IL22RA1: variants seen among roughly 807,000 people sequenced by gnomAD.
IL22RA1 encodes interleukin-22 receptor subunit alpha-1.
Under a neutral mutation model 32.8 loss-of-function variants are expected in IL22RA1, and 25 were observed. That is an observed-to-expected ratio of 0.76 (90% CI 0.55 to 1.06). The LOEUF (loss-of-function observed/expected upper bound fraction) is 1.06, where lower values mean the gene tolerates loss of function less well. Among genes scored for constraint, IL22RA1 ranks in the 50% least tolerant of loss-of-function variants. The pLI is 0.00. For synonymous variants in IL22RA1, 305 were observed against 305.0 expected (o/e 1.00, Z 0.00); for missense variants, 709 against 727.4 (o/e 0.97, Z 0.29).
intron 5 of IL22RA1, among the ~76,000 whole-genome samples, chr1:24,125,354 G>A (rs1412332453): frequency 6.6e-6 from 1 of 152,172 alleles, no homozygotes; most frequent in Non-Finnish European, 1.5e-5. Flanking sequence ...CACTCTGCAA[G>A]GAAGCCTCAG....
intron 1 of IL22RA1, among the ~76,000 whole-genome samples, chr1:24,140,509 A>T (rs965687256): frequency 2.6e-5 from 4 of 152,134 alleles, no homozygotes; most frequent in African/African-American, 9.7e-5. Context: ...GGAGAAGAGA[A>T]GCTGGCCATT....
intron 4 of IL22RA1, among the ~76,000 whole-genome samples, chr1:24,128,752 C>T (rs1030912008): frequency 6.6e-6 from 1 of 152,170 alleles, no homozygotes; most frequent in South Asian, 2.1e-4. Context: ...TCAGCCTGGA[C>T]TCTAGCAGTA....
At position 24,121,401 on chromosome 1, in the gene IL22RA1, A is replaced by T; in HGVS notation, c.1129T>A (p.Tyr377Asn). ...ACCTTAGAGATGGCCTGTGGGGCGT[A>T]GAATGGGAATTGAGCTTCGGGGGTC... ...QVTPEAQFPF[Y>N]APQAISKVQP... is the part of the protein sequence containing the mutation. The change falls in exon 7 of 7, where the codon TAC becomes AAC. Residue 377 changes from tyrosine (Y) to asparagine (N), a missense_variant. Tyr to Asn is a moderately radical substitution (Grantham distance 143). Transcript: ENST00000270800. The T allele has an allele frequency of 6.4e-7, 1 of 1,555,856 alleles. No individual in the cohort carries two copies.
In IL22RA1 at chr1:24,134,273, C is replaced by T. The variant is rs201248903; in HGVS notation, c.469G>A (p.Glu157Lys). 1.6e-4 allele frequency: 250 copies of T among 1,611,206 alleles called. 1 individual carries two copies. The South Asian group carries it at 2.6e-3, about 17-fold the overall frequency. ...RAGDGHRLTL[E>K]DIFHDLFYHL... is the part of the protein sequence containing the mutation. ...TAGAACAGGTCATGGAAGATGTCTTCCAGGGTTAGCCGGTGGCCATCGCCT... is the reference window on the plus strand; with the variant it reads ...TAGAACAGGTCATGGAAGATGTCTTTCAGGGTTAGCCGGTGGCCATCGCCT... The change falls in exon 4 of 7, where the codon GAA (glutamate) becomes AAA (lysine). Residue 157 changes from glutamate to lysine, a missense_variant. Glu to Lys is a moderately conservative substitution (Grantham distance 56, BLOSUM62 1). Coordinates refer to ENST00000270800, the MANE Select transcript of IL22RA1 (RefSeq NM_021258.4).
Position 24,138,703 on chromosome 1 carries a change from C to T in IL22RA1, c.55G>A (p.Glu19Lys). 1 of 1,614,060 alleles carries T rather than the reference C, an allele frequency of 6.2e-7. No homozygotes were observed. The highest frequency in any genetic ancestry group is 8.5e-7 in the Non-Finnish European group (1 of 1,179,982). Residue 19 changes from glutamate (E) to lysine (K), a missense_variant, in exon 2 of 7, where the codon GAG becomes AAG. By Grantham distance (56) the Glu-to-Lys change is moderately conservative. Transcript: ENST00000270800. ...TVGSLAAHAPEDPSDLLQHVK... is the reference protein window; with the variant it reads ...TVGSLAAHAPKDPSDLLQHVK... ...TGCTGGAGCAGATCCGAGGGGTCCT[C>T]AGGGGCGTGAGCTGCAGGAGGGTGG...
At chr1:24,128,578 AGCTGT>A (rs1426682966) in intron 4 of IL22RA1, among the ~76,000 whole-genome samples, 1 of 151,794 alleles carries the variant, frequency 6.6e-6, no homozygotes, top group Non-Finnish European at 1.5e-5. Context: ...ACATAATGGC[AGCTGT>A]CATTATGACC....
chr1:24,132,039 C>T lies in IL22RA1; in HGVS notation c.531+2172G>A, dbSNP rs1348377460. Among the ~76,000 whole-genome samples the T allele has an allele frequency of 3.3e-5, 5 of 152,218 alleles. No individual in the cohort carries two copies. The South Asian group carries it at 6.2e-4, about 19-fold the overall frequency. On this transcript the variant is annotated intron_variant, in intron 4 of 6. Coordinates refer to ENST00000270800, the MANE Select transcript of IL22RA1 (RefSeq NM_021258.4). ...CCTGCTTAGTAATCTCTAGTGGCTC[C>T]CCCAACTACCGAAAGAAACAAAAAT...
At chr1:24,128,048 T>A (rs1400745082) in intron 5 of IL22RA1, 93 bp downstream of exon 5, 1 of 1,295,940 alleles carries the variant, frequency 7.7e-7, no homozygotes, top group Non-Finnish European at 1.0e-6. Flanking sequence ...TTCTAGAGTG[T>A]TGCCAAGTCT....
intron 2 of IL22RA1, among the ~76,000 whole-genome samples, chr1:24,138,349 C>T (rs577046281): frequency 5.9e-5 from 9 of 152,354 alleles, no homozygotes; most frequent in Admixed American, 3.9e-4. Flanking sequence ...CAAGGTTATA[C>T]AGGCGAGAGC....
rs772391534 is a variant in IL22RA1 at position 24,120,846 on chromosome 1, G to A, written c.1684C>T (p.Leu562Phe). The change falls in exon 7 of 7, where the codon CTT (leucine) becomes TTT (phenylalanine). Residue 562 changes from leucine to phenylalanine, a missense_variant. By Grantham distance (22) the Leu-to-Phe change is conservative. Transcript: ENST00000270800. Reference sequence around the variant, plus strand: ...ACAGTCAGGGCCAGGCCTCTGAAAAGAGAATCCAGTTCTGTGGGCTGCTCC... The same window carrying A: ...ACAGTCAGGGCCAGGCCTCTGAAAAAAGAATCCAGTTCTGTGGGCTGCTCC... ...DLEQPTELDS[L>F]FRGLALTVQW... is the part of the protein sequence containing the mutation. 2.9e-5 allele frequency: 47 copies of A among 1,613,520 alleles called. No individual in the cohort carries two copies. The highest frequency in any genetic ancestry group is 9.3e-6 in the Non-Finnish European group (11 of 1,179,766).
At chr1:24,142,903 C>G (rs1240338982) in intron 1 of IL22RA1, 137 bp downstream of exon 1, 4 of 830,874 alleles carry the variant, frequency 4.8e-6, no homozygotes, top group Admixed American at 2.1e-5. Context: ...CCGTGAACAC[C>G]CGGCACCCTG....
At chr1:24,125,598 A>T (rs189693605) in intron 5 of IL22RA1, among the ~76,000 whole-genome samples, 1 of 152,220 alleles carries the variant, frequency 6.6e-6, no homozygotes, top group East Asian at 1.9e-4. Context: ...CTGTAAACAA[A>T]GTTGCAAAGT....
Position 24,121,376 on chromosome 1 carries a change from A to T in IL22RA1, c.1154T>A (p.Val385Asp). 1 of 1,572,292 alleles carries T rather than the reference A, an allele frequency of 6.4e-7. No homozygotes were observed. The highest frequency in any genetic ancestry group is 8.6e-7 in the Non-Finnish European group (1 of 1,156,894). The change falls in exon 7 of 7, where the codon GTC becomes GAC. Residue 385 changes from valine (V) to aspartate (D), a missense_variant. Val to Asp is a radical substitution (Grantham distance 152). Coordinates refer to ENST00000270800, the MANE Select transcript of IL22RA1 (RefSeq NM_021258.4). Reference protein sequence around the residue: ...PFYAPQAISKVQPSSYAPQAT... With the variant: ...PFYAPQAISKDQPSSYAPQAT... ...TTGAGGGGCATAGGAGGAAGGCTGG[A>T]CCTTAGAGATGGCCTGTGGGGCGTA... is the stretch of plus-strand genomic sequence containing the variant.
At chr1:24,128,004 A>T in intron 5 of IL22RA1, 137 bp downstream of exon 5, 1 of 801,642 alleles carries the variant, frequency 1.2e-6, no homozygotes, top group Non-Finnish European at 1.8e-6. Flanking sequence ...ACAAAGATTG[A>T]CTTCAATAAC....
intron 5 of IL22RA1, among the ~76,000 whole-genome samples, chr1:24,127,567 C>T (rs2148571457): frequency 6.6e-6 from 1 of 152,248 alleles, no homozygotes; most frequent in East Asian, 1.9e-4. Flanking sequence ...CCTGCCTTGG[C>T]CTCCCAAAGT....
intron 6 of IL22RA1, among the ~76,000 whole-genome samples, chr1:24,122,560 C>T (rs1570900555): frequency 6.6e-6 from 1 of 152,084 alleles, no homozygotes; most frequent in African/African-American, 2.4e-5. Flanking sequence ...CTTTGGGAGG[C>T]CGAGGTGGGT....
chr1:24,134,453 C>T, intron 3 of IL22RA1, 67 bp from the exon 4 acceptor site: 1 of 1,228,524 alleles, frequency 8.1e-7, no homozygotes. Flanking sequence ...CTGAGGCAAC[C>T]TTGGACAGTG....
At chr1:24,128,403 G>C (rs1317899162) in intron 4 of IL22RA1, 124 bp from the exon 5 acceptor site, 1 of 1,144,000 alleles carries the variant, frequency 8.7e-7, no homozygotes, top group East Asian at 2.4e-5. Flanking sequence ...TTCAGCCTCT[G>C]TTTCCATTCC....
At chr1:24,125,235 C>G (rs866475894) in intron 5 of IL22RA1, among the ~76,000 whole-genome samples, 1 of 152,122 alleles carries the variant, frequency 6.6e-6, no homozygotes, top group Non-Finnish European at 1.5e-5. Flanking sequence ...AGGGACGCTC[C>G]CTTCCTATGG....
Sources: gnomAD v4.1 joint callset for allele counts (sites outside exome capture counted in the v4.1 genomes callset) on GRCh38, gnomAD v4.1.1 for gene constraint, MANE v1.5 for transcripts, NCBI Gene and HGNC (gene_info 2026-07-23, HGNC 2026-07-21) for gene names.